XKR4: variants seen among roughly 807,000 people sequenced by gnomAD.
XKR4 encodes the protein XK-related protein 4.
A neutral mutation model predicts 53.9 loss-of-function variants in XKR4; 12 were observed. The ratio of observed to expected loss-of-function variants is 0.22; its 90% CI spans 0.14 to 0.36. XKR4 has a LOEUF of 0.36. Ranked by LOEUF, XKR4 falls within the 10% of genes least tolerant of loss-of-function variation. XKR4 has a pLI of 1.00. For synonymous variants in XKR4, 354 were observed against 362.4 expected (o/e 0.98, Z 0.26); for missense variants, 799 against 859.5 (o/e 0.93, Z 0.88).
intron 2 of XKR4, among the ~76,000 whole-genome samples, chr8:55,466,776 A>T (rs912829207): frequency 2.0e-5 from 3 of 152,114 alleles, no homozygotes; most frequent in Non-Finnish European, 4.4e-5. Flanking sequence ...TTGGAGTTTT[A>T]GGTTGTTTCT....
chr8:55,289,536 AGAAAGAAGGAAG>A (rs1336658324), intron 1 of XKR4, among the ~76,000 whole-genome samples: 4 of 90,074 alleles, frequency 4.4e-5, no homozygotes, highest in South Asian at 3.2e-4. Flanking sequence ...AAGAAAAGAA[AGAAAGAAGGAAG>A]GAAGGAAGGA....
chr8:55,391,274 A>T (rs1394677083), intron 2 of XKR4, among the ~76,000 whole-genome samples: 2 of 152,114 alleles, frequency 1.3e-5, no homozygotes, highest in African/African-American at 2.4e-5. Flanking sequence ...TACCCTAAAG[A>T]TACACCTCCC....
rs1806855234 is a variant in XKR4, at chr8:55,524,552, G to A, written c.*325G>A. The A allele has an allele frequency of 6.5e-6, 2 of 308,570 alleles. No individual in the cohort carries two copies. The highest frequency in any genetic ancestry group is 1.2e-5 in the Non-Finnish European group (2 of 166,712). The allele number at this position is 308,570 out of a possible 1,614,324, so 19.1% of individuals were successfully genotyped here. On this transcript the variant is annotated 3_prime_UTR_variant, in exon 3 of 3. Transcript: ENST00000327381. ...GAAAAATTTTGCCTCCAATCATTAG[G>A]GTGTCTTGATGGCGTTAACTGATCT...
chr8:55,379,729 G>C (rs957795258), intron 2 of XKR4, among the ~76,000 whole-genome samples: 1 of 152,192 alleles, frequency 6.6e-6, no homozygotes, highest in Admixed American at 6.5e-5. Flanking sequence ...GATGCACTTT[G>C]TTTGGCCCCA....
chr8:55,142,139 A>G (rs1465501926), intron 1 of XKR4: 2 of 455,952 alleles, frequency 4.4e-6, no homozygotes, highest in Non-Finnish European at 4.4e-6. Flanking sequence ...TCTTTCCCCC[A>G]CAGGGAGCCC....
chr8:55,191,685 CT>C (rs528131249), intron 1 of XKR4, among the ~76,000 whole-genome samples: 458 of 116,924 alleles, frequency 3.9e-3, no homozygotes, highest in African/African-American at 6.1e-3. Context: ...TAGTACAATT[CT>C]TTTTTTTTTT....
At chr8:55,119,746 G>T (rs1237520346) in intron 1 of XKR4, among the ~76,000 whole-genome samples, 1 of 152,224 alleles carries the variant, frequency 6.6e-6, no homozygotes, top group African/African-American at 2.4e-5. Flanking sequence ...GGAAGTGTGA[G>T]TGAGGGGTGG....
At chr8:55,508,094 G>C (rs1287814402) in intron 2 of XKR4, among the ~76,000 whole-genome samples, 2 of 151,916 alleles carry the variant, frequency 1.3e-5, no homozygotes, top group Non-Finnish European at 2.9e-5. Context: ...TTCTTTTATT[G>C]CTAGCTAGCA....
In XKR4 at chr8:55,334,867, A is replaced by G. The variant is rs1472134516; in HGVS notation, c.807-22811A>G. ...CTCTAGTCCTGTGTGAAAATCAAGC[A>G]CTTGGAGCTAATTTTCCTGGGTCCT... On this transcript the variant is annotated intron_variant, in intron 1 of 2. Transcript: ENST00000327381. Among the ~76,000 whole-genome samples the G allele has an allele frequency of 2.0e-5, 3 of 152,200 alleles. No homozygotes were observed. The East Asian group carries it at 5.8e-4, about 29-fold the overall frequency.
chr8:55,460,269 G>A (rs1469470413), intron 2 of XKR4, among the ~76,000 whole-genome samples: 2 of 152,152 alleles, frequency 1.3e-5, no homozygotes, highest in Admixed American at 1.3e-4. Flanking sequence ...TATCTGAAAT[G>A]GGATGGGAGT....
At chr8:55,495,034 G>T (rs570824597) in intron 2 of XKR4, among the ~76,000 whole-genome samples, 1 of 150,792 alleles carries the variant, frequency 6.6e-6, no homozygotes, top group Admixed American at 6.8e-5. Flanking sequence ...CCAGCACCAG[G>T]CTGTCCTCAA....
intron 1 of XKR4, among the ~76,000 whole-genome samples, chr8:55,295,110 A>C (rs2129375976): frequency 6.6e-6 from 1 of 152,306 alleles, no homozygotes; most frequent in African/African-American, 2.4e-5. Context: ...TACTGCTAAC[A>C]CTCAGTGTAA....
intron 1 of XKR4, among the ~76,000 whole-genome samples, chr8:55,216,768 G>A: frequency 6.7e-6 from 1 of 148,458 alleles, no homozygotes; most frequent in Non-Finnish European, 1.5e-5. Context: ...ACGTTGATGA[G>A]TTCAACAGCA....
chr8:55,254,187 G>C (rs1377404463), intron 1 of XKR4, among the ~76,000 whole-genome samples: 1 of 151,948 alleles, frequency 6.6e-6, no homozygotes, highest in African/African-American at 2.4e-5. Context: ...GAAAGAGAGA[G>C]ATATATATAG....
chr8:55,341,106 C>T (rs1014750722), intron 1 of XKR4, among the ~76,000 whole-genome samples: 9 of 152,096 alleles, frequency 5.9e-5, no homozygotes, highest in African/African-American at 2.2e-4. Context: ...TGTGATACAA[C>T]TGAGATCAGG....
chr8:55,385,126 G>A (rs1324344157), intron 2 of XKR4, among the ~76,000 whole-genome samples: 1 of 152,178 alleles, frequency 6.6e-6, no homozygotes, highest in Non-Finnish European at 1.5e-5. Flanking sequence ...GCTAAAATTT[G>A]TGATTATAAA....
At chr8:55,223,080 G>C (rs1410523335) in intron 1 of XKR4, among the ~76,000 whole-genome samples, 1 of 152,142 alleles carries the variant, frequency 6.6e-6, no homozygotes, top group Non-Finnish European at 1.5e-5. Context: ...GCAAGCATGA[G>C]GAGGCAAAGT....
intron 2 of XKR4, among the ~76,000 whole-genome samples, chr8:55,502,243 A>G (rs1346123031): frequency 1.3e-5 from 2 of 152,208 alleles, no homozygotes; most frequent in Non-Finnish European, 2.9e-5. Flanking sequence ...CCAGAAATGG[A>G]ATTGCCAGAT....
At position 55,540,376 on chromosome 8, in the gene XKR4, T is replaced by C. The variant is rs1282416538; in HGVS notation, c.*16149T>C. On this transcript the variant is annotated 3_prime_UTR_variant, in exon 3 of 3. Transcript: ENST00000327381. ...TGTTAGTATTGCTGACATATTATTA[T>C]CATCACAAAATTCCTTTTATATCTA... 1 of 152,198 alleles carries C rather than the reference T, an allele frequency of 6.6e-6. No homozygotes were observed. Among genetic ancestry groups the C allele is most frequent in the African/African-American group, 2.4e-5 (1 of 41,440 alleles). 9.4% of individuals were successfully genotyped at this position (152,198 alleles called of 1,614,324 possible). A position where few individuals can be genotyped will look rare whatever the true frequency, so the allele number is the denominator to read the frequency against.
Sources: gnomAD v4.1 joint callset for allele counts (sites outside exome capture counted in the v4.1 genomes callset) on GRCh38, gnomAD v4.1.1 for gene constraint, MANE v1.5 for transcripts, NCBI Gene and HGNC (gene_info 2026-07-23, HGNC 2026-07-21) for gene names.